NPIPB2: variants seen among roughly 807,000 people sequenced by gnomAD.
The protein encoded by NPIPB2 is nuclear pore complex interacting protein family member B2, also known as nuclear pore complex-interacting protein family member B2.
A neutral mutation model predicts 30.8 loss-of-function variants in NPIPB2; 27 were observed. The ratio of observed to expected loss-of-function variants is 0.88; its 90% CI spans 0.65 to 1.21. The LOEUF (loss-of-function observed/expected upper bound fraction) is 1.21, where lower values mean the gene tolerates loss of function less well. Ranked by LOEUF, NPIPB2 falls within the 50% of genes most tolerant of loss-of-function variation. NPIPB2 has a pLI of 0.00. For missense variants in NPIPB2, 440 were observed against 446.2 expected, an observed-to-expected ratio of 0.99 and a Z score of 0.13; for synonymous variants, 147 against 162.0, an observed-to-expected ratio of 0.91 and a Z score of 0.70.
intron 1 of NPIPB2, among the ~76,000 whole-genome samples, chr16:11,975,435 C>G (rs994264879): frequency 6.6e-6 from 1 of 152,060 alleles, no homozygotes; most frequent in Non-Finnish European, 1.5e-5. Context: ...GCGTGAGCCA[C>G]CGCGCCCGGC....
chr16:11,952,842 A>G (rs974963096), intron 1 of NPIPB2, among the ~76,000 whole-genome samples: 2 of 152,174 alleles, frequency 1.3e-5, no homozygotes, highest in East Asian at 3.8e-4. Flanking sequence ...CTGGGATTAC[A>G]GGTGTCAGCC....
At chr16:11,962,197 TAA>T (rs34733614) in intron 1 of NPIPB2, among the ~76,000 whole-genome samples, 208 of 95,690 alleles carry the variant, frequency 2.2e-3, no homozygotes, top group African/African-American at 6.5e-3. Context: ...CACCCTGTCT[TAA>T]AAAAAAAAAA....
chr16:11,958,586 A>G (rs1364869750), intron 1 of NPIPB2, among the ~76,000 whole-genome samples: 1 of 152,088 alleles, frequency 6.6e-6, no homozygotes, highest in East Asian at 1.9e-4. Context: ...AAGTTAAATA[A>G]AAAACCTAGC....
intron 4 of NPIPB2, among the ~76,000 whole-genome samples, chr16:11,932,963 T>TAA (rs770388601): frequency 8.2e-6 from 1 of 121,572 alleles, no homozygotes; most frequent in Non-Finnish European, 1.8e-5. Flanking sequence ...ATCTCAAAAT[T>TAA]AAAAAAAAAA....
chr16:11,944,972 A>T (rs1209503639), upstream of NPIPB2, among the ~76,000 whole-genome samples: 1 of 151,370 alleles, frequency 6.6e-6, no homozygotes, highest in African/African-American at 2.4e-5. Flanking sequence ...TGAGGTCGGG[A>T]GTTCAAGGCC....
chr16:11,963,731 C>T (rs1461276523), intron 1 of NPIPB2, among the ~76,000 whole-genome samples: 2 of 152,020 alleles, frequency 1.3e-5, no homozygotes, highest in Non-Finnish European at 2.9e-5. Context: ...GTATTTCACT[C>T]AGTATGGTTA....
Position 11,969,929 on chromosome 16 carries a change from G to A in NPIPB2, c.-584+6639C>T, listed in dbSNP as rs528322497. Among the ~76,000 whole-genome samples the A allele has an allele frequency of 7.9e-5, 8 of 101,070 alleles. No homozygotes were observed. The South Asian group carries it at 1.7e-3, about 22-fold the overall frequency. 66.3% of individuals were successfully genotyped at this position (101,070 alleles called of 152,430 possible). A position where few individuals can be genotyped will look rare whatever the true frequency, so the allele number is the denominator to read the frequency against. On this transcript the variant is annotated intron_variant, in intron 1 of 5. Coordinates refer to the NPIPB2 transcript ENST00000538896. Reference sequence around the variant, plus strand: ...GCTGGACTGCACTGGCATCATCTTGGCTCACTGCAACCTCTACCTCAAGAG... The same window carrying A: ...GCTGGACTGCACTGGCATCATCTTGACTCACTGCAACCTCTACCTCAAGAG...
chr16:11,936,862 G>A (rs886785278), intron 2 of NPIPB2, among the ~76,000 whole-genome samples: 5 of 148,266 alleles, frequency 3.4e-5, no homozygotes, highest in African/African-American at 7.3e-5. Flanking sequence ...ATCATGAGAC[G>A]CAGTGCAGTT....
exon 8 of NPIPB2, chr16:11,927,395 G>T: frequency 1.0e-6 from 1 of 954,728 alleles, no homozygotes. Context: ...GCAATGGCCT[G>T]TTCTCAGCTT....
chr16:11,972,351 A>T (rs2055241138), intron 1 of NPIPB2, among the ~76,000 whole-genome samples: 1 of 152,004 alleles, frequency 6.6e-6, no homozygotes, highest in East Asian at 1.9e-4. Context: ...CGAGGTGGGC[A>T]GATCGTAAGG....
At chr16:11,940,750 A>C (rs79644087) in intron 1 of NPIPB2, among the ~76,000 whole-genome samples, 1 of 110,676 alleles carries the variant, frequency 9.0e-6, no homozygotes, top group African/African-American at 3.4e-5. Flanking sequence ...ACAGAGTGAG[A>C]CTCTGTCTAA....
intron 1 of NPIPB2, among the ~76,000 whole-genome samples, chr16:11,964,772 A>G (rs903082461): frequency 6.6e-6 from 1 of 152,154 alleles, no homozygotes; most frequent in African/African-American, 2.4e-5. Flanking sequence ...CATGTTGCCC[A>G]GGCTGATTTT....
upstream of NPIPB2, among the ~76,000 whole-genome samples, chr16:11,944,476 T>G (rs1283952452): frequency 4.0e-5 from 6 of 151,668 alleles, no homozygotes; most frequent in Non-Finnish European, 8.8e-5. Flanking sequence ...CTTAAATTTT[T>G]TATAGGCAGA....
At chr16:11,961,599 C>G (rs1007396824) in intron 1 of NPIPB2, among the ~76,000 whole-genome samples, 28 of 149,594 alleles carry the variant, frequency 1.9e-4, no homozygotes, top group Non-Finnish European at 3.3e-4. Flanking sequence ...GGCCAACATA[C>G]TGAAACCCCG....
chr16:11,951,680 C>G (rs57171695), intron 1 of NPIPB2, among the ~76,000 whole-genome samples: 2 of 136,452 alleles, frequency 1.5e-5, no homozygotes, highest in Non-Finnish European at 3.2e-5. Context: ...AGCCCCCAAA[C>G]AACAAAATTC....
chr16:11,959,122 T>G (rs1310386452), intron 1 of NPIPB2, among the ~76,000 whole-genome samples: 1 of 152,184 alleles, frequency 6.6e-6, no homozygotes. Context: ...CAGCACCACT[T>G]TGCTTCCTTA....
At chr16:11,962,544 G>A (rs2055161097) in intron 1 of NPIPB2, among the ~76,000 whole-genome samples, 1 of 149,324 alleles carries the variant, frequency 6.7e-6, no homozygotes, top group Non-Finnish European at 1.5e-5. Flanking sequence ...CCTGGGAGTC[G>A]GAGCTTGCAG....
chr16:11,932,953 A>G (rs2054810665), intron 4 of NPIPB2, among the ~76,000 whole-genome samples: 1 of 148,582 alleles, frequency 6.7e-6, no homozygotes. Flanking sequence ...GCGAGACTCT[A>G]TCTCAAAATT....
Position 11,974,639 on chromosome 16 carries a change from C to T in NPIPB2, c.-584+1929G>A, listed in dbSNP as rs536096813. ...CTACCTACAGAATTGTTTTTTAAAA[C>T]ATCTCCTTAAGTGTATGCTTATGTG... On this transcript the variant is annotated intron_variant, in intron 1 of 5. Coordinates refer to the NPIPB2 transcript ENST00000538896. 7.4e-4 allele frequency among the ~76,000 whole-genome samples: 112 copies of T among 152,290 alleles called. 1 individual carries two copies. The highest frequency in any genetic ancestry group is 2.6e-3 in the African/African-American group (110 of 41,578).
Sources: gnomAD v4.1 joint callset for allele counts (sites outside exome capture counted in the v4.1 genomes callset) on GRCh38, gnomAD v4.1.1 for gene constraint, MANE v1.5 for transcripts, NCBI Gene and HGNC (gene_info 2026-07-23, HGNC 2026-07-21) for gene names.